Variants in SLC24A2 observed in about 807,000 individuals in gnomAD.
SLC24A2 encodes the protein sodium/potassium/calcium exchanger 2.
Under a neutral mutation model 62.0 loss-of-function variants are expected in SLC24A2, and 36 were observed. The ratio of observed to expected loss-of-function variants is 0.58; its 90% confidence interval spans 0.44 to 0.77. The LOEUF is 0.77. SLC24A2 is among the 30% of genes least tolerant of loss of function. The pLI, the probability that SLC24A2 is intolerant of heterozygous loss-of-function variation, is 0.00. For missense variants in SLC24A2, 846 were observed against 817.9 expected (o/e 1.03, Z -0.42); for synonymous variants, 358 against 294.0 (o/e 1.22, Z -2.23).
At chr9:19,661,739 AAAAAACCATC>A (rs1389482118) in intron 2 of SLC24A2, among the ~76,000 whole-genome samples, 1 of 152,190 alleles carries the variant, frequency 6.6e-6, no homozygotes, top group African/African-American at 2.4e-5. Context: ...AGCCCTTGAC[AAAAAACCATC>A]AAAAATGACA....
intron 9 of SLC24A2, among the ~76,000 whole-genome samples, chr9:19,527,025 T>C (rs1367110239): frequency 6.6e-6 from 1 of 152,160 alleles, no homozygotes; most frequent in Non-Finnish European, 1.5e-5. Context: ...TTATGTAAAG[T>C]ATGAGGTAAG....
the SLC24A2 span, among the ~76,000 whole-genome samples, chr9:20,159,779 C>A: frequency 6.6e-6 from 1 of 151,214 alleles, no homozygotes; most frequent in African/African-American, 2.4e-5. Flanking sequence ...ATAATGGTAA[C>A]CACAAATGTA....
At chr9:20,124,403 G>T in the SLC24A2 span, among the ~76,000 whole-genome samples, 3 of 152,078 alleles carry the variant, frequency 2.0e-5, no homozygotes, top group Middle Eastern at 6.8e-3. Flanking sequence ...AAAAGTTTTG[G>T]TATCTTTTTC....
At chr9:19,640,768 C>A (rs965340884) in intron 2 of SLC24A2, among the ~76,000 whole-genome samples, 4 of 152,148 alleles carry the variant, frequency 2.6e-5, no homozygotes, top group Non-Finnish European at 4.4e-5. Flanking sequence ...CAAGAATAAG[C>A]AGCTGGTTCA....
the SLC24A2 span, among the ~76,000 whole-genome samples, chr9:19,865,996 T>C: frequency 6.6e-6 from 1 of 152,068 alleles, no homozygotes; most frequent in Non-Finnish European, 1.5e-5. Flanking sequence ...AACAGCTCTA[T>C]TGGGGGGAAA....
chr9:19,543,059 C>A (rs780187742), intron 8 of SLC24A2, among the ~76,000 whole-genome samples: 2 of 152,116 alleles, frequency 1.3e-5, no homozygotes, highest in African/African-American at 2.4e-5. Context: ...GTGAATTCAT[C>A]TGGTTCTGGA....
At chr9:19,701,045 G>C (rs79255517) in intron 2 of SLC24A2, among the ~76,000 whole-genome samples, 1 of 152,194 alleles carries the variant, frequency 6.6e-6, no homozygotes, top group Non-Finnish European at 1.5e-5. Context: ...TCAGAGGATT[G>C]AGTCCTAATT....
the SLC24A2 span, among the ~76,000 whole-genome samples, chr9:20,072,429 T>TCTTA: frequency 6.6e-6 from 1 of 152,076 alleles, no homozygotes; most frequent in Non-Finnish European, 1.5e-5. Context: ...TACCCGAGGA[T>TCTTA]TATAATAAAA....
At chr9:20,108,097 A>C in the SLC24A2 span, among the ~76,000 whole-genome samples, 7 of 152,238 alleles carry the variant, frequency 4.6e-5, no homozygotes, top group African/African-American at 9.6e-5. Flanking sequence ...CACATGAAAA[A>C]ATGCTCACCA....
At chr9:19,697,620 G>A (rs1240201622) in intron 2 of SLC24A2, among the ~76,000 whole-genome samples, 1 of 152,110 alleles carries the variant, frequency 6.6e-6, no homozygotes, top group Non-Finnish European at 1.5e-5. Context: ...CACTGGCTTA[G>A]CTAAAATTAT....
At chr9:19,806,963 C>T in the SLC24A2 span, among the ~76,000 whole-genome samples, 4 of 152,162 alleles carry the variant, frequency 2.6e-5, no homozygotes, top group African/African-American at 7.2e-5. Flanking sequence ...AATTTTGATG[C>T]CTGTTTCTAA....
chr9:19,987,800 G>A, the SLC24A2 span, among the ~76,000 whole-genome samples: 9 of 152,120 alleles, frequency 5.9e-5, no homozygotes, highest in South Asian at 1.0e-3. Flanking sequence ...CAGTTATCAC[G>A]CTTCCCCAAA....
chr9:20,217,709 C>T, the SLC24A2 span, among the ~76,000 whole-genome samples: 1 of 152,184 alleles, frequency 6.6e-6, no homozygotes, highest in African/African-American at 2.4e-5. Flanking sequence ...CCAAGTCTCT[C>T]ACTATACTAC....
chr9:20,252,602 G>A, the SLC24A2 span, among the ~76,000 whole-genome samples: 1 of 152,220 alleles, frequency 6.6e-6, no homozygotes, highest in Non-Finnish European at 1.5e-5. Context: ...CATTAGGCAA[G>A]GTGGAGTTGT....
Position 19,541,724 on chromosome 9 carries a change from T to C in SLC24A2, c.1479+8413A>G, listed in dbSNP as rs1378434086. ...GCAGGCAGGCCTCCTTGAGCTGTGG[T>C]GGGCTCCACCCAGTTCGAGCTTCCC... On this transcript the variant is annotated intron_variant, in intron 8 of 10. Coordinates refer to ENST00000341998, the MANE Select transcript of SLC24A2 (RefSeq NM_020344.4). Among the ~76,000 whole-genome samples the C allele has an allele frequency of 2.1e-3, 306 of 148,926 alleles. 2 individuals carry two copies. Among genetic ancestry groups the C allele is most frequent in the African/African-American group, 7.3e-3 (296 of 40,292 alleles).
At chr9:20,266,202 C>T in the SLC24A2 span, among the ~76,000 whole-genome samples, 1 of 152,178 alleles carries the variant, frequency 6.6e-6, no homozygotes, top group Non-Finnish European at 1.5e-5. Flanking sequence ...TACACTCCCT[C>T]CCCTTTGAAA....
the SLC24A2 span, among the ~76,000 whole-genome samples, chr9:20,054,383 G>T: frequency 6.6e-6 from 1 of 152,056 alleles, no homozygotes; most frequent in African/African-American, 2.4e-5. Flanking sequence ...GTAGAGACAG[G>T]GTTTCACCAT....
chr9:20,291,754 G>T, the SLC24A2 span, among the ~76,000 whole-genome samples: 1 of 152,152 alleles, frequency 6.6e-6, no homozygotes, highest in Admixed American at 6.5e-5. Flanking sequence ...GATCTTGAAC[G>T]TAACAAAGAT....
chr9:19,551,436 G>A (rs10738542), intron 7 of SLC24A2, among the ~76,000 whole-genome samples: 126,912 of 152,046 alleles, frequency 0.83, 53,173 homozygotes, highest in East Asian at 1. Context: ...GGGGGTGACC[G>A]TTAGCCTGTC....
Sources: allele counts gnomAD v4.1 joint callset (sites outside exome capture counted in the v4.1 genomes callset), GRCh38; gene constraint gnomAD v4.1.1; transcripts MANE v1.5; gene names NCBI Gene and HGNC (gene_info 2026-07-23, HGNC 2026-07-21).